ACADSB: variants seen among roughly 807,000 people sequenced by gnomAD.
ACADSB encodes the protein short/branched chain specific acyl-CoA dehydrogenase, mitochondrial.
Under a neutral mutation model 54.1 loss-of-function variants are expected in ACADSB, and 40 were observed. The observed-to-expected ratio is 0.74, with a 90% confidence interval of 0.57 to 0.96. The LOEUF (loss-of-function observed/expected upper bound fraction) is 0.96, where lower values mean the gene tolerates loss of function less well. Ranked by LOEUF, ACADSB falls within the 40% of genes least tolerant of loss-of-function variation. The pLI is 0.00. For missense variants in ACADSB, 530 were observed against 510.4 expected, an observed-to-expected ratio of 1.04 and a Z score of -0.37; for synonymous variants, 182 against 182.8, an observed-to-expected ratio of 1.00 and a Z score of 0.03.
intron 8 of ACADSB, among the ~76,000 whole-genome samples, chr10:123,049,008 G>A (rs545316894): frequency 6.6e-6 from 1 of 152,256 alleles, no homozygotes; most frequent in South Asian, 2.1e-4. Flanking sequence ...GAGCCACTGC[G>A]CCCAGCCTAA....
chr10:123,029,433 A>T (rs1218982664), intron 1 of ACADSB, among the ~76,000 whole-genome samples: 1 of 151,840 alleles, frequency 6.6e-6, no homozygotes, highest in Non-Finnish European at 1.5e-5. Context: ...TACAACCTCC[A>T]TCCTGAAGCT....
At chr10:123,053,620 G>A in intron 10 of ACADSB, 75 bp from the exon 11 acceptor site, 1 of 1,244,564 alleles carries the variant, frequency 8.0e-7, no homozygotes, top group Non-Finnish European at 1.2e-6. Flanking sequence ...GCGCAGAGGT[G>A]ATGTTTATAG....
intron 1 of ACADSB, among the ~76,000 whole-genome samples, chr10:123,021,697 G>A (rs190464004): frequency 4.3e-4 from 66 of 152,318 alleles, no homozygotes; most frequent in Non-Finnish European, 4.4e-5. Context: ...CTGCTAATTG[G>A]ATTACTGGCC....
chr10:123,044,296 G>T, intron 6 of ACADSB, 97 bp from the exon 7 acceptor site: 1 of 1,058,522 alleles, frequency 9.4e-7, no homozygotes, highest in Non-Finnish European at 1.5e-6. Context: ...GAGAGGGCTA[G>T]CACACGAATT....
chr10:123,057,544 A>G lies in ACADSB; in HGVS notation c.*3779A>G, dbSNP rs1192184003. The G allele has an allele frequency of 6.6e-6, 1 of 152,158 alleles. No individual in the cohort carries two copies. Among genetic ancestry groups the G allele is most frequent in the Non-Finnish European group, 1.5e-5 (1 of 68,036 alleles). 9.4% of individuals were successfully genotyped at this position (152,158 alleles called of 1,614,324 possible). ...CATCAGCCTCCTGAAGCCTGCCATC[A>G]TTGTTAATTTGAGGACTGGGCTGTC... On this transcript the variant is annotated 3_prime_UTR_variant, in exon 11 of 11. Coordinates refer to ENST00000358776, the MANE Select transcript of ACADSB (RefSeq NM_001609.4).
At chr10:123,015,598 A>T (rs909068243) in intron 1 of ACADSB, among the ~76,000 whole-genome samples, 4 of 152,202 alleles carry the variant, frequency 2.6e-5, no homozygotes, top group Non-Finnish European at 4.4e-5. Context: ...AGACCTGTGT[A>T]ACAGTGTACT....
chr10:123,045,131 G>GTATA (rs759224009), intron 7 of ACADSB, among the ~76,000 whole-genome samples: 27 of 26,888 alleles, frequency 1.0e-3, no homozygotes, highest in East Asian at 9.1e-3. Flanking sequence ...TTTGTAGAGT[G>GTATA]TATATATATA....
At chr10:123,048,051 A>C (rs547775482) in intron 8 of ACADSB, among the ~76,000 whole-genome samples, 174 of 151,988 alleles carry the variant, frequency 1.1e-3, no homozygotes, top group African/African-American at 4.0e-3. Context: ...GTGGCAGCTT[A>C]CCAAACCTTT....
At chr10:123,035,492 C>T (rs1850386006) in intron 2 of ACADSB, among the ~76,000 whole-genome samples, 1 of 152,156 alleles carries the variant, frequency 6.6e-6, no homozygotes, top group African/African-American at 2.4e-5. Context: ...TAAGTGTATT[C>T]GTTTTCTATT....
intron 7 of ACADSB, among the ~76,000 whole-genome samples, chr10:123,046,790 A>T (rs1850565519): frequency 6.6e-6 from 1 of 152,168 alleles, no homozygotes; most frequent in Non-Finnish European, 1.5e-5. Flanking sequence ...GACCTTCCAT[A>T]TTTTACTTCT....
intron 7 of ACADSB, 113 bp from the exon 8 acceptor site, chr10:123,047,096 C>T (rs1256248447): frequency 1.2e-6 from 1 of 856,916 alleles, no homozygotes; most frequent in African/African-American, 1.7e-5. Context: ...TCAGCATCTC[C>T]AGTTCTTCCC....
chr10:123,021,614 A>G (rs563742623), intron 1 of ACADSB, among the ~76,000 whole-genome samples: 6 of 152,338 alleles, frequency 3.9e-5, no homozygotes, highest in African/African-American at 1.4e-4. Flanking sequence ...TATAAACATC[A>G]CACGCATAAC....
intron 2 of ACADSB, among the ~76,000 whole-genome samples, chr10:123,036,322 G>A (rs1850397836): frequency 6.6e-6 from 1 of 152,114 alleles, no homozygotes; most frequent in Admixed American, 6.5e-5. Flanking sequence ...CCTGACCTCA[G>A]GTGATCCACC....
chr10:123,039,528 C>T (rs1235604141), intron 3 of ACADSB, among the ~76,000 whole-genome samples: 1 of 152,198 alleles, frequency 6.6e-6, no homozygotes, highest in Admixed American at 6.5e-5. Context: ...TTACCAGGCC[C>T]TCGTGCTTTG....
chr10:123,051,545 G>A (rs1850633711), intron 9 of ACADSB, among the ~76,000 whole-genome samples: 2 of 152,128 alleles, frequency 1.3e-5, no homozygotes, highest in Non-Finnish European at 2.9e-5. Flanking sequence ...TCTGAATGAG[G>A]GTGTCATGCC....
At chr10:123,015,080 C>G (rs1564745666) in intron 1 of ACADSB, among the ~76,000 whole-genome samples, 1 of 152,222 alleles carries the variant, frequency 6.6e-6, no homozygotes, top group Non-Finnish European at 1.5e-5. Context: ...TCTGCCAGTT[C>G]CTACATGGGT....
intron 1 of ACADSB, among the ~76,000 whole-genome samples, chr10:123,030,237 C>G (rs1213487601): frequency 6.6e-6 from 1 of 152,162 alleles, no homozygotes; most frequent in East Asian, 1.9e-4. Flanking sequence ...AAGAATTTCT[C>G]CTTTCTAGCT....
rs1366294353 is a variant in ACADSB at position 123,055,182 on chromosome 10, G to C, written c.*1417G>C. ...CTGATAAAGACATACCTGAGACCAGGAAGAAAAAGAGGTTTAATTGGACTT... is the reference window on the plus strand; with the variant it reads ...CTGATAAAGACATACCTGAGACCAGCAAGAAAAAGAGGTTTAATTGGACTT... On this transcript the variant is annotated 3_prime_UTR_variant, in exon 11 of 11. Transcript: ENST00000358776. The C allele has an allele frequency of 6.0e-6, 1 of 166,904 alleles. No homozygotes were observed. Among genetic ancestry groups the C allele is most frequent in the Non-Finnish European group, 1.3e-5 (1 of 79,806 alleles). 10.3% of individuals were successfully genotyped at this position (166,904 alleles called of 1,614,324 possible). A position where few individuals can be genotyped will look rare whatever the true frequency, so the allele number is the denominator to read the frequency against.
At chr10:123,015,261 A>G (rs575603906) in intron 1 of ACADSB, among the ~76,000 whole-genome samples, 3 of 152,354 alleles carry the variant, frequency 2.0e-5, no homozygotes, top group Non-Finnish European at 4.4e-5. Context: ...CTAAGTAACC[A>G]TAAAGACACT....
Sources: allele counts gnomAD v4.1 joint callset (sites outside exome capture counted in the v4.1 genomes callset), GRCh38; gene constraint gnomAD v4.1.1; transcripts MANE v1.5; gene names NCBI Gene and HGNC (gene_info 2026-07-23, HGNC 2026-07-21).